The following LAMA4 variants were observed in gnomAD, a reference collection of about 807,000 sequenced individuals.
LAMA4 encodes the protein laminin subunit alpha 4.
In LAMA4, 127 loss-of-function variants were observed where a neutral mutation model predicts 207.1. The observed-to-expected ratio is 0.61, with a 90% CI of 0.53 to 0.71. LAMA4 has a LOEUF of 0.71. LAMA4 is among the 30% of genes least tolerant of loss of function. LAMA4 has a pLI of 0.00. For synonymous variants in LAMA4, 761 were observed against 816.0 expected (o/e 0.93, Z 1.15); for missense variants, 2,093 against 2,246.5 (o/e 0.93, Z 1.38).
chr6:112,134,845 G>C (rs1554330998), intron 25 of LAMA4, among the ~76,000 whole-genome samples: 1 of 152,144 alleles, frequency 6.6e-6, no homozygotes, highest in Non-Finnish European at 1.5e-5. Flanking sequence ...AGAGGAGCCA[G>C]CCCAAGAAAA....
At chr6:112,121,973 C>T (rs782461526) in intron 32 of LAMA4, 41 bp downstream of exon 32, 2 of 1,550,466 alleles carry the variant, frequency 1.3e-6, no homozygotes, top group Admixed American at 3.3e-5. Flanking sequence ...TGGAGCCCAG[C>T]CATGTCATTA....
At chr6:112,225,719 GT>G (rs1459907244) in intron 2 of LAMA4, among the ~76,000 whole-genome samples, 1 of 152,110 alleles carries the variant, frequency 6.6e-6, no homozygotes, top group Non-Finnish European at 1.5e-5. Context: ...AGTAAACAAT[GT>G]TTACTAAAGG....
intron 5 of LAMA4, among the ~76,000 whole-genome samples, chr6:112,197,502 T>C (rs548266686): frequency 1.3e-5 from 2 of 152,338 alleles, no homozygotes; most frequent in East Asian, 3.9e-4. Flanking sequence ...TTAGCTTAAA[T>C]TATCTTTAAA....
intron 18 of LAMA4, among the ~76,000 whole-genome samples, chr6:112,146,846 C>T (rs1554334621): frequency 2.0e-5 from 3 of 152,152 alleles, no homozygotes; most frequent in Admixed American, 1.3e-4. Flanking sequence ...GTTTGGATCA[C>T]TGACAACGAC....
intron 5 of LAMA4, chr6:112,200,266 C>G (rs184838806): frequency 1.8e-5 from 8 of 449,150 alleles, no homozygotes; most frequent in Non-Finnish European, 3.1e-5. Context: ...ATGTGGCCAA[C>G]AAACATATGA....
At chr6:112,169,865 A>C (rs1454047169) in intron 12 of LAMA4, among the ~76,000 whole-genome samples, 3 of 152,242 alleles carry the variant, frequency 2.0e-5, no homozygotes, top group Non-Finnish European at 4.4e-5. Flanking sequence ...TCATATAGGC[A>C]ACACTGTCCT....
chr6:112,147,901 A>G (rs1256982911), intron 18 of LAMA4, among the ~76,000 whole-genome samples: 1 of 152,204 alleles, frequency 6.6e-6, no homozygotes, highest in Non-Finnish European at 1.5e-5. Context: ...CCATAATTTC[A>G]CATAGAAAAA....
chr6:112,148,407 T>C, intron 17 of LAMA4, 71 bp from the exon 18 acceptor site: 1 of 1,509,534 alleles, frequency 6.6e-7, no homozygotes, highest in Non-Finnish European at 9.2e-7. Context: ...TTAACACCCC[T>C]TTAACCCTTG....
intron 12 of LAMA4, among the ~76,000 whole-genome samples, chr6:112,167,718 C>A (rs577519200): frequency 6.6e-6 from 1 of 152,188 alleles, no homozygotes; most frequent in East Asian, 1.9e-4. Context: ...TCCATCTGTT[C>A]ATCAATAGAT....
At chr6:112,159,825 T>C (rs1237823357) in intron 13 of LAMA4, among the ~76,000 whole-genome samples, 1 of 152,182 alleles carries the variant, frequency 6.6e-6, no homozygotes, top group Non-Finnish European at 1.5e-5. Context: ...TGGTTGATTT[T>C]GTGGGTAAAT....
intron 38 of LAMA4, among the ~76,000 whole-genome samples, chr6:112,111,359 G>A (rs1427176212): frequency 6.6e-6 from 1 of 152,096 alleles, no homozygotes; most frequent in African/African-American, 2.4e-5. Context: ...AAAATTCTTT[G>A]ATTTTTAATT....
chr6:112,247,679 A>T (rs986873308), intron 2 of LAMA4, among the ~76,000 whole-genome samples: 1 of 152,158 alleles, frequency 6.6e-6, no homozygotes, highest in Non-Finnish European at 1.5e-5. Context: ...GGCCCCTATA[A>T]GACTCCAAGT....
chr6:112,209,914 G>T (rs1784270072), intron 3 of LAMA4, among the ~76,000 whole-genome samples: 1 of 152,070 alleles, frequency 6.6e-6, no homozygotes, highest in South Asian at 2.1e-4. Context: ...GGATCATGAG[G>T]GTTGTTTCTA....
chr6:112,114,158 GT>G lies in LAMA4; in HGVS notation c.5243del (p.Asp1748AlafsTer4). 1 of 1,613,772 alleles carries G rather than the reference GT, an allele frequency of 6.2e-7. No individual in the cohort carries two copies. Among genetic ancestry groups the G allele is most frequent in the Non-Finnish European group, 8.5e-7 (1 of 1,179,706 alleles). Reference protein sequence around the residue: ...RDSNVVQLDVDSEVNHVVGPL... With the variant: ...RDSNVVQLDVXSEVNHVVGPL... The stretch of plus-strand genomic sequence containing the variant: ...GTCCAACCACATGGTTCACTTCAGA[GT>G]CCACATCCAACTGAACCACATTAGA... On this transcript the variant is annotated frameshift_variant, in exon 38 of 39. Coordinates refer to ENST00000230538, the MANE Select transcript of LAMA4 (RefSeq NM_001105206.3). LOFTEE classifies it high-confidence loss of function.
rs782800965 is a variant in LAMA4 at position 112,136,156 on chromosome 6, C to G, written c.3381G>C (p.Lys1127Asn). The G allele has an allele frequency of 1.2e-6, 2 of 1,613,280 alleles. No individual in the cohort carries two copies. The highest frequency in any genetic ancestry group is 2.2e-5 in the East Asian group (1 of 44,824). Residue 1127 changes from lysine (K) to asparagine (N), a missense_variant, in exon 25 of 39, where the codon AAG becomes AAC. This residue lies in a region of LAMA4 where 1,704 missense variants were observed against 1,788.4 expected (regional missense o/e 0.95). Transcript: ENST00000230538. ...GGPVHLEDTL[K>N]KAQINDAKYH... ...ATTTTGCATCATTAATTTGAGCTTT[C>G]TTTAACGTATCTTCAAGATGCACAG...
chr6:112,163,990 C>G (rs893696937), intron 13 of LAMA4: 1 of 152,232 alleles, frequency 6.6e-6, no homozygotes, highest in Non-Finnish European at 1.5e-5. Context: ...GCCGGCGGAT[C>G]TGGGGAGGAA....
Position 112,132,835 on chromosome 6 carries a change from AT to A in LAMA4, c.3751del (p.Ile1251TyrfsTer45). On this transcript the variant is annotated frameshift_variant, in exon 28 of 39. Coordinates refer to ENST00000230538, the MANE Select transcript of LAMA4 (RefSeq NM_001105206.3). LOFTEE classifies it high-confidence loss of function. ...TCCTTCAAAGCCATCAAAGAAAGAT[AT>A]TTTCTGAATTGAAGCAATGAAGCTC... ...GQSFIASIQK[I>X]SFFDGFEGGF... The A allele has an allele frequency of 6.2e-7, 1 of 1,612,614 alleles. No individual in the cohort carries two copies. Among genetic ancestry groups the A allele is most frequent in the Non-Finnish European group, 8.5e-7 (1 of 1,178,792 alleles).
chr6:112,210,480 T>C lies in LAMA4; in HGVS notation c.298-3335A>G, dbSNP rs547382395. 1.3e-4 allele frequency among the ~76,000 whole-genome samples: 20 copies of C among 152,302 alleles called. No homozygotes were observed. The South Asian group carries it at 3.3e-3, about 25-fold the overall frequency. On this transcript the variant is annotated intron_variant, in intron 3 of 38. Transcript: ENST00000230538. ...GGGATTGCCATTTGGACACCAACTGTGTCTCCCCAACATGAGAAATGATAT... is the reference window on the plus strand; with the variant it reads ...GGGATTGCCATTTGGACACCAACTGCGTCTCCCCAACATGAGAAATGATAT...
At position 112,216,357 on chromosome 6, in the gene LAMA4, C is replaced by T. The variant is rs782575264; in HGVS notation, c.297+11G>A. ...TGAAGTACGTGAAGTGTTATAGGTG[C>T]CCCAACTTACCACACAGTATCCTGA... On this transcript the variant is annotated intron_variant, in intron 3 of 38. Transcript: ENST00000230538. 2 of 1,565,934 alleles carry T rather than the reference C, an allele frequency of 1.3e-6. No homozygotes were observed. The highest frequency in any genetic ancestry group is 2.2e-5 in the East Asian group (1 of 44,670).
Sources: allele counts gnomAD v4.1 joint callset (sites outside exome capture counted in the v4.1 genomes callset), GRCh38; gene constraint gnomAD v4.1.1; regional missense constraint gnomAD v4.1.1; transcripts MANE v1.5; gene names NCBI Gene and HGNC (gene_info 2026-07-23, HGNC 2026-07-21).